Variants in LSM11 observed in about 807,000 individuals in gnomAD.
LSM11 encodes the protein U7 snRNA-associated Sm-like protein LSm11.
LSM11 carries 14 observed loss-of-function variants against 28.1 expected under a neutral mutation model. The observed-to-expected ratio is 0.50, with a 90% CI of 0.33 to 0.78. The LOEUF is 0.78. Ranked by LOEUF, LSM11 falls within the 30% of genes least tolerant of loss-of-function variation. The pLI is 0.02. For synonymous variants in LSM11, 207 were observed against 214.2 expected (o/e 0.97, Z 0.30); for missense variants, 495 against 510.6 (o/e 0.97, Z 0.30).
At chr5:157,753,343 G>A (rs758730543) in intron 2 of LSM11, among the ~76,000 whole-genome samples, 34 of 152,234 alleles carry the variant, frequency 2.2e-4, no homozygotes, top group Admixed American at 3.9e-4. Flanking sequence ...TGAAGAGAAT[G>A]TGTTAGATGA....
chr5:157,759,139 G>T lies in LSM11; in HGVS notation c.*3875G>T, dbSNP rs1458737536. Reference sequence around the variant, plus strand: ...GGTGCATGTCAAGTCAGGAAGCCAAGAAACCGTTGGCATTAAAATCTAGAT... The same window carrying T: ...GGTGCATGTCAAGTCAGGAAGCCAATAAACCGTTGGCATTAAAATCTAGAT... On this transcript the variant is annotated 3_prime_UTR_variant, in exon 4 of 4. Coordinates refer to ENST00000286307, the MANE Select transcript of LSM11 (RefSeq NM_173491.4). 6.6e-6 allele frequency: 1 copy of T among 152,208 alleles called. No homozygotes were observed. Among genetic ancestry groups the T allele is most frequent in the Admixed American group, 6.6e-5 (1 of 15,266 alleles). The allele number at this position is 152,208 out of a possible 1,614,324, so 9.4% of individuals were successfully genotyped here. A position where few individuals can be genotyped will look rare whatever the true frequency, so the allele number is the denominator to read the frequency against.
intron 1 of LSM11, among the ~76,000 whole-genome samples, chr5:157,748,122 G>A (rs770473744): frequency 1.1e-4 from 17 of 152,016 alleles, no homozygotes; most frequent in Non-Finnish European, 2.1e-4. Flanking sequence ...ATCTGTCATG[G>A]CACCCTTCTA....
rs946102540 is a variant in LSM11, at chr5:157,759,918, G to A, written c.*4654G>A. The A allele has an allele frequency of 6.6e-6, 1 of 152,178 alleles. No homozygotes were observed. Among genetic ancestry groups the A allele is most frequent in the African/African-American group, 2.4e-5 (1 of 41,456 alleles). The allele number at this position is 152,178 out of a possible 1,614,324, so 9.4% of individuals were successfully genotyped here. A position where few individuals can be genotyped will look rare whatever the true frequency, so the allele number is the denominator to read the frequency against. ...TCAGTATTTTGAGTGTTTTTCAAAT[G>A]TTTGTACGTTATCTTGCACTGCTCT... On this transcript the variant is annotated 3_prime_UTR_variant, in exon 4 of 4. Transcript: ENST00000286307.
chr5:157,755,171 G>A lies in LSM11; in HGVS notation c.990G>A (p.Lys330=), dbSNP rs144251899. The part of the protein sequence containing the change: ...SRGQSRKKKR[K]PKVDYQQVFT... Reference sequence around the variant, plus strand: ...GCCAGTCCCGTAAGAAAAAGCGAAAGCCCAAAGTGGATTACCAGCAGGTAT... The same window carrying A: ...GCCAGTCCCGTAAGAAAAAGCGAAAACCCAAAGTGGATTACCAGCAGGTAT... Residue 330 remains lysine, a synonymous_variant, in exon 4 of 4, where the codon AAG becomes AAA. Coordinates refer to ENST00000286307, the MANE Select transcript of LSM11 (RefSeq NM_173491.4). 3.1e-4 allele frequency: 507 copies of A among 1,614,070 alleles called. No individual in the cohort carries two copies. The highest frequency in any genetic ancestry group is 4.1e-4 in the Non-Finnish European group (481 of 1,180,046).
intron 1 of LSM11, among the ~76,000 whole-genome samples, chr5:157,748,206 T>TA (rs1761175179): frequency 1.3e-5 from 2 of 152,238 alleles, no homozygotes. Context: ...AGGTGACTGT[T>TA]ACAGTTTGTG....
At chr5:157,744,306 C>A in intron 1 of LSM11, 108 bp downstream of exon 1, 3 of 850,272 alleles carry the variant, frequency 3.5e-6, no homozygotes, top group Non-Finnish European at 4.7e-6. Context: ...GCACGTATTG[C>A]GGGAGCGCCT....
rs7714390 is a variant in LSM11 at position 157,757,772 on chromosome 5, A to G, written c.*2508A>G. On this transcript the variant is annotated 3_prime_UTR_variant, in exon 4 of 4. Coordinates refer to ENST00000286307, the MANE Select transcript of LSM11 (RefSeq NM_173491.4). ...ATGTACTCTACTTTCCCAATAAGGT[A>G]GAAATTTGGAATCCAACGGAATATA... The G allele has an allele frequency of 0.17, 25,547 of 152,200 alleles. 2,350 individuals are homozygous for G. The highest frequency in any genetic ancestry group is 0.29 in the South Asian group (1,387 of 4,824). The allele number at this position is 152,200 out of a possible 1,614,324, so 9.4% of individuals were successfully genotyped here. A position where few individuals can be genotyped will look rare whatever the true frequency, so the allele number is the denominator to read the frequency against.
chr5:157,744,941 A>G (rs1761124210), intron 1 of LSM11, among the ~76,000 whole-genome samples: 1 of 150,938 alleles, frequency 6.6e-6, no homozygotes. Context: ...TTTTACAGCC[A>G]CTCTGCCTGG....
At chr5:157,748,547 C>T (rs1396692717) in intron 1 of LSM11, among the ~76,000 whole-genome samples, 1 of 152,202 alleles carries the variant, frequency 6.6e-6, no homozygotes, top group Non-Finnish European at 1.5e-5. Context: ...CACATCCCTT[C>T]TGAATCACCC....
intron 1 of LSM11, 142 bp from the exon 2 acceptor site, chr5:157,751,248 C>A: frequency 1.2e-6 from 1 of 819,558 alleles, no homozygotes; most frequent in Non-Finnish European, 1.8e-6. Context: ...CCATGTTGCC[C>A]ATTGGACCTT....
intron 3 of LSM11, 39 bp from the exon 4 acceptor site, chr5:157,754,815 T>A (rs1422619307): frequency 1.3e-6 from 2 of 1,564,298 alleles, no homozygotes; most frequent in Middle Eastern, 2.0e-4. Context: ...TGATGAAGGC[T>A]AAAGAGAAGG....
rs1236740927 is a variant in LSM11 at position 157,759,941 on chromosome 5, T to G, written c.*4677T>G. The G allele has an allele frequency of 6.6e-6, 1 of 152,220 alleles. No homozygotes were observed. Among genetic ancestry groups the G allele is most frequent in the Non-Finnish European group, 1.5e-5 (1 of 68,038 alleles). 9.4% of individuals were successfully genotyped at this position (152,220 alleles called of 1,614,324 possible). On this transcript the variant is annotated 3_prime_UTR_variant, in exon 4 of 4. Transcript: ENST00000286307. The stretch of plus-strand genomic sequence containing the variant: ...ATGTTTGTACGTTATCTTGCACTGC[T>G]CTAATAAAAATGAAAGCTCTCTGAC...
At chr5:157,746,217 C>T (rs933994555) in intron 1 of LSM11, among the ~76,000 whole-genome samples, 18 of 152,164 alleles carry the variant, frequency 1.2e-4, no homozygotes, top group African/African-American at 4.1e-4. Context: ...TAAGATAATA[C>T]TATTTGTGGA....
chr5:157,744,208 C>T lies in LSM11; in HGVS notation c.448+10C>T, dbSNP rs1043431885. On this transcript the variant is annotated intron_variant, in intron 1 of 3. Transcript: ENST00000286307. ...CTCACGCGAATGCCCTGTGAGTCCG[C>T]GGGCCGGGCGGGAAGCGGGGCAGCC... 2.4e-6 allele frequency: 3 copies of T among 1,259,904 alleles called. No individual in the cohort carries two copies. Among genetic ancestry groups the T allele is most frequent in the South Asian group, 2.9e-5 (1 of 34,628 alleles). The allele number at this position is 1,259,904 out of a possible 1,614,324, so 78.0% of individuals were successfully genotyped here.
At chr5:157,750,947 AATTTTTGT>A (rs1307098804) in intron 1 of LSM11, among the ~76,000 whole-genome samples, 1 of 151,824 alleles carries the variant, frequency 6.6e-6, no homozygotes, top group Non-Finnish European at 1.5e-5. Context: ...ATGCCTGGCT[AATTTTTGT>A]ATTTTTAGTG....
At chr5:157,746,381 C>T (rs952039248) in intron 1 of LSM11, among the ~76,000 whole-genome samples, 9 of 152,164 alleles carry the variant, frequency 5.9e-5, no homozygotes, top group African/African-American at 2.2e-4. Flanking sequence ...ATGAAGAATA[C>T]ATGAGGAGCT....
Position 157,751,858 on chromosome 5 carries a change from T to C in LSM11, c.588+329T>C, listed in dbSNP as rs141352405. On this transcript the variant is annotated intron_variant, in intron 2 of 3. Coordinates refer to ENST00000286307, the MANE Select transcript of LSM11 (RefSeq NM_173491.4). Reference sequence around the variant, plus strand: ...AGAGGCCAGGGTTGCAGCTAAACAGTCTACAACACACAAGATAGTCCCTCA... The same window carrying C: ...AGAGGCCAGGGTTGCAGCTAAACAGCCTACAACACACAAGATAGTCCCTCA... Among the ~76,000 whole-genome samples the C allele has an allele frequency of 3.3e-3, 498 of 152,258 alleles. 3 individuals are homozygous for C. The highest frequency in any genetic ancestry group is 5.9e-3 in the Non-Finnish European group (401 of 68,012).
intron 1 of LSM11, among the ~76,000 whole-genome samples, chr5:157,750,281 G>T (rs887104448): frequency 7.2e-5 from 11 of 152,180 alleles, no homozygotes; most frequent in African/African-American, 2.4e-4. Context: ...TTTCTTTTGG[G>T]AGGTTTTATA....
rs183227420 is a variant in LSM11, at chr5:157,746,901, G to A, written c.448+2703G>A. ...ATAGAGACCTCTACAGAGGTGATAC[G>A]AGGTCTCAAAAAAAAGTAATAATAA... On this transcript the variant is annotated intron_variant, in intron 1 of 3. Coordinates refer to ENST00000286307, the MANE Select transcript of LSM11 (RefSeq NM_173491.4). Among the ~76,000 whole-genome samples, 159 of 152,118 alleles carry A rather than the reference G, an allele frequency of 1.0e-3. 1 individual carries two copies. Among genetic ancestry groups the A allele is most frequent in the Non-Finnish European group, 1.7e-3 (113 of 67,992 alleles).
Sources: allele counts gnomAD v4.1 joint callset (sites outside exome capture counted in the v4.1 genomes callset), GRCh38; gene constraint gnomAD v4.1.1; transcripts MANE v1.5; gene names NCBI Gene and HGNC (gene_info 2026-07-23, HGNC 2026-07-21).